The following ACOX2 variants were observed in gnomAD, a reference collection of about 807,000 sequenced individuals.
ACOX2 encodes the protein acyl-CoA oxidase 2.
In ACOX2, 59 loss-of-function variants were observed where a neutral mutation model predicts 77.5. That is an observed-to-expected ratio of 0.76 (90% CI 0.62 to 0.95). The LOEUF (loss-of-function observed/expected upper bound fraction) is 0.95, where lower values mean the gene tolerates loss of function less well. Ranked by LOEUF, ACOX2 falls within the 40% of genes least tolerant of loss-of-function variation. ACOX2 has a pLI of 0.00. For synonymous variants in ACOX2, 317 were observed against 340.1 expected, an observed-to-expected ratio of 0.93 and a Z score of 0.75; for missense variants, 837 against 880.4, an observed-to-expected ratio of 0.95 and a Z score of 0.62.
rs1443062310 is a variant in ACOX2 at position 58,522,351 on chromosome 3, T to C, written c.1632+145A>G. On this transcript the variant is annotated intron_variant, in intron 12 of 14. Transcript: ENST00000302819. The surrounding 1 kb of genome is among the most constrained non-coding windows in gnomAD (Gnocchi z 4.3). ...GTTAAGTCCTTTAATTAAAATACCC[T>C]GGACTAAAGCCTTGGAAGTGAAATG... The C allele has an allele frequency of 2.8e-6, 2 of 710,828 alleles. No homozygotes were observed. Among genetic ancestry groups the C allele is most frequent in the Non-Finnish European group, 4.7e-6 (2 of 423,570 alleles). The allele number at this position is 710,828 out of a possible 1,614,324, so 44.0% of individuals were successfully genotyped here.
Position 58,534,781 on chromosome 3 carries a change from A to G in ACOX2, c.160+166T>C. 7.3e-7 allele frequency: 1 copy of G among 1,375,376 alleles called. No individual in the cohort carries two copies. Among genetic ancestry groups the G allele is most frequent in the Non-Finnish European group, 1.0e-6 (1 of 985,318 alleles). 85.2% of individuals were successfully genotyped at this position (1,375,376 alleles called of 1,614,324 possible). Reference sequence around the variant, plus strand: ...TATCCCCTAGGTGGGCTCAGGCAATATTGACATGTGAAGATTGTCTTTACA... The same window carrying G: ...TATCCCCTAGGTGGGCTCAGGCAATGTTGACATGTGAAGATTGTCTTTACA... On this transcript the variant is annotated intron_variant, in intron 2 of 14. Coordinates refer to ENST00000302819, the MANE Select transcript of ACOX2 (RefSeq NM_003500.4). This position sits in a 1 kb window ranked among gnomAD's most constrained non-coding sequence, Gnocchi z 4.8.
In ACOX2 at chr3:58,517,229, G is replaced by A. The variant is rs1365038680; in HGVS notation, c.1827C>T (p.Tyr609=). ...GAQVDMARTA[Y]LDLLRLIRKD... is the part of the protein sequence containing the mutation. ...ACCGGATCAGGCGGAGCAGGTCCAG[G>A]TAGGCTGTTCTTGCCATGTCCACTT... The change falls in exon 13 of 15, where the codon TAC becomes TAT. Residue 609 remains tyrosine, a synonymous_variant. Coordinates refer to ENST00000302819, the MANE Select transcript of ACOX2 (RefSeq NM_003500.4). The A allele has an allele frequency of 6.2e-7, 1 of 1,613,974 alleles. No individual in the cohort carries two copies. Among genetic ancestry groups the A allele is most frequent in the African/African-American group, 1.3e-5 (1 of 74,920 alleles).
chr3:58,530,367 C>T, intron 8 of ACOX2, 99 bp downstream of exon 8: 1 of 1,513,184 alleles, frequency 6.6e-7, no homozygotes, highest in Non-Finnish European at 9.0e-7. Flanking sequence ...TTGCCTGCTC[C>T]CAGCACTCTG....
At position 58,526,621 on chromosome 3, in the gene ACOX2, C is replaced by T; in HGVS notation, c.1191G>A (p.Met397Ile). The T allele has an allele frequency of 6.2e-7, 1 of 1,614,208 alleles. No individual in the cohort carries two copies. The highest frequency in any genetic ancestry group is 8.5e-7 in the Non-Finnish European group (1 of 1,180,032). The change falls in exon 10 of 15, where the codon ATG becomes ATA. Residue 397 changes from methionine (M) to isoleucine (I), a missense_variant. Transcript: ENST00000302819. This position sits in a 1 kb window ranked among gnomAD's most constrained non-coding sequence, Gnocchi z 4.3. Reference protein sequence around the residue: ...HALSTGMKAMMSEFCTQGAEM... With the variant: ...HALSTGMKAMISEFCTQGAEM... ...CAGCTCCCTGGGTGCAGAATTCTGA[C>T]ATCATGGCCTTCATGCCCGTGCTCA...
In ACOX2 at chr3:58,529,011, C is replaced by T. The variant is rs1576998629; in HGVS notation, c.993-55G>A. The T allele has an allele frequency of 2.7e-6, 4 of 1,499,644 alleles. No individual in the cohort carries two copies. The South Asian group carries it at 4.3e-5, about 16-fold the overall frequency. 92.9% of individuals were successfully genotyped at this position (1,499,644 alleles called of 1,614,324 possible). A position where few individuals can be genotyped will look rare whatever the true frequency, so the allele number is the denominator to read the frequency against. On this transcript the variant is annotated intron_variant, in intron 8 of 14. Coordinates refer to ENST00000302819, the MANE Select transcript of ACOX2 (RefSeq NM_003500.4). Reference sequence around the variant, plus strand: ...TCACTACCTGTTGTGTCCACCTTCCCCTATCCCCGACACCATAAAAACCTT... The same window carrying T: ...TCACTACCTGTTGTGTCCACCTTCCTCTATCCCCGACACCATAAAAACCTT...
In ACOX2 at chr3:58,531,314, A is replaced by G; in HGVS notation, c.756T>C (p.Asn252=). ...GCACATGGTTCAGCTGCAGGAAGCC[A>G]TTGTCTGTTTGATCAAAGTCCATCT... ...GPKMDFDQTD[N]GFLQLNHVRV... is the part of the protein sequence containing the mutation. The change falls in exon 7 of 15, where the codon AAT becomes AAC. Residue 252 remains asparagine, a synonymous_variant. Coordinates refer to ENST00000302819, the MANE Select transcript of ACOX2 (RefSeq NM_003500.4). This position sits in a 1 kb window ranked among gnomAD's most constrained non-coding sequence, Gnocchi z 5.8. 1 of 1,613,846 alleles carries G rather than the reference A, an allele frequency of 6.2e-7. No homozygotes were observed. Among genetic ancestry groups the G allele is most frequent in the Middle Eastern group, 1.7e-4 (1 of 5,840 alleles).
chr3:58,515,318 G>A lies in ACOX2; in HGVS notation c.1850+1888C>T, dbSNP rs1456391632. On this transcript the variant is annotated intron_variant, in intron 13 of 14. Transcript: ENST00000302819. This position sits in a 1 kb window ranked among gnomAD's most constrained non-coding sequence, Gnocchi z 4.0. ...TTGCAGGTATTAGCCACCGCGCCTG[G>A]CCTGAACAAACATTTTTTTGACCAC... Among the ~76,000 whole-genome samples the A allele has an allele frequency of 6.6e-6, 1 of 152,084 alleles. No individual in the cohort carries two copies. The highest frequency in any genetic ancestry group is 2.4e-5 in the African/African-American group (1 of 41,398).
At position 58,534,973 on chromosome 3, in the gene ACOX2, T is replaced by C; in HGVS notation, c.134A>G (p.Gln45Arg). 1.2e-6 allele frequency: 2 copies of C among 1,614,226 alleles called. No homozygotes were observed. The highest frequency in any genetic ancestry group is 1.7e-6 in the Non-Finnish European group (2 of 1,180,016). ...AACTTTCCTGCGGAGTGCAGTGTTC[T>C]GGGCACCTCCATCAAGGATGTTGGT... ...RLTNILDGGA[Q>R]NTALRRKVES... Residue 45 changes from glutamine to arginine, a missense_variant, in exon 2 of 15, where the codon CAG becomes CGG. Coordinates refer to ENST00000302819, the MANE Select transcript of ACOX2 (RefSeq NM_003500.4). The surrounding 1 kb of genome is among the most constrained non-coding windows in gnomAD (Gnocchi z 4.8).
Position 58,524,655 on chromosome 3 carries a change from A to G in ACOX2, c.1347-50T>C, listed in dbSNP as rs376903732. ...TGAGAGGGCAGAGACTCTGTGAGAC[A>G]GCCCAGCACCCCTCACTCCCAGAGA... On this transcript the variant is annotated intron_variant, in intron 10 of 14. Transcript: ENST00000302819. This position sits in a 1 kb window ranked among gnomAD's most constrained non-coding sequence, Gnocchi z 5.5. 9.4e-5 allele frequency: 147 copies of G among 1,563,440 alleles called. No homozygotes were observed. In the African/African-American group the frequency reaches 1.8e-3, roughly 19 times the overall value.
At position 58,531,507 on chromosome 3, in the gene ACOX2, C is replaced by G; in HGVS notation, c.704-141G>C. On this transcript the variant is annotated intron_variant, in intron 6 of 14. Transcript: ENST00000302819. This position sits in a 1 kb window ranked among gnomAD's most constrained non-coding sequence, Gnocchi z 5.8. Reference sequence around the variant, plus strand: ...ATTTTGCAGGTGAACAAGCTGAGGTCAGAAAGATGCTAAATCTTGCTCAAG... The same window carrying G: ...ATTTTGCAGGTGAACAAGCTGAGGTGAGAAAGATGCTAAATCTTGCTCAAG... 1 of 1,230,386 alleles carries G rather than the reference C, an allele frequency of 8.1e-7. No homozygotes were observed. Among genetic ancestry groups the G allele is most frequent in the Non-Finnish European group, 1.1e-6 (1 of 880,804 alleles). 76.2% of individuals were successfully genotyped at this position (1,230,386 alleles called of 1,614,324 possible).
At position 58,531,915 on chromosome 3, in the gene ACOX2, G is replaced by C. The variant is rs2063443353; in HGVS notation, c.584-103C>G. The C allele has an allele frequency of 2.1e-6, 3 of 1,435,474 alleles. No homozygotes were observed. The highest frequency in any genetic ancestry group is 2.7e-6 in the Non-Finnish European group (3 of 1,095,786). 88.9% of individuals were successfully genotyped at this position (1,435,474 alleles called of 1,614,324 possible). ...CTGGGGTTTTGGATGGGTACCTCTG[G>C]GGCCCTGAAAAGTCACTGATCAAAG... On this transcript the variant is annotated intron_variant, in intron 5 of 14. Transcript: ENST00000302819. This position sits in a 1 kb window ranked among gnomAD's most constrained non-coding sequence, Gnocchi z 5.8.
rs991990768 is a variant in ACOX2, at chr3:58,525,922, CAGG to C, written c.1346+541_1346+543del. Among the ~76,000 whole-genome samples the C allele has an allele frequency of 1.3e-5, 2 of 151,900 alleles. No homozygotes were observed. Among genetic ancestry groups the C allele is most frequent in the Non-Finnish European group, 2.9e-5 (2 of 67,994 alleles). ...ATCCCAGCTACTGCGGAGGCTAAGG[CAGG>C]AGAATTGCTTGAACCCGGCGGGCAG... On this transcript the variant is annotated intron_variant, in intron 10 of 14. Coordinates refer to ENST00000302819, the MANE Select transcript of ACOX2 (RefSeq NM_003500.4). The surrounding 1 kb of genome is among the most constrained non-coding windows in gnomAD (Gnocchi z 5.0).
At chr3:58,536,240 A>T (rs2108015031) in intron 1 of ACOX2, among the ~76,000 whole-genome samples, 1 of 152,164 alleles carries the variant, frequency 6.6e-6, no homozygotes, top group South Asian at 2.1e-4. Context: ...AGGGTTAGGG[A>T]CAAGTTCTTA....
In ACOX2 at chr3:58,505,278, A is replaced by C. The variant is rs1576982727; in HGVS notation, c.1992T>G (p.Pro664=). ...QKSPTNTQEN[P]AYEEYIRPLL... ...GTGGTCTTATATATTCCTCATAGGC[A>C]GGGTTCTCCTGTTTGTAGAAAGAAA... is the stretch of plus-strand genomic sequence containing the variant. Residue 664 remains proline, a synonymous_variant, in exon 15 of 15, where the codon CCT becomes CCG. Coordinates refer to ENST00000302819, the MANE Select transcript of ACOX2 (RefSeq NM_003500.4). This position sits in a 1 kb window ranked among gnomAD's most constrained non-coding sequence, Gnocchi z 4.4. The C allele has an allele frequency of 6.2e-7, 1 of 1,612,524 alleles. No homozygotes were observed. Among genetic ancestry groups the C allele is most frequent in the Non-Finnish European group, 8.5e-7 (1 of 1,179,366 alleles).
rs1293890016 is a variant in ACOX2 at position 58,519,373 on chromosome 3, G to A, written c.1633-1950C>T. Among the ~76,000 whole-genome samples the A allele has an allele frequency of 6.6e-6, 1 of 151,664 alleles. No individual in the cohort carries two copies. The highest frequency in any genetic ancestry group is 2.4e-5 in the African/African-American group (1 of 41,280). ...CACTCCAGCCTGGGTGGTGGAGTGAGACTCTATCATAGAAAAAAAAAGAGT... is the reference window on the plus strand; with the variant it reads ...CACTCCAGCCTGGGTGGTGGAGTGAAACTCTATCATAGAAAAAAAAAGAGT... On this transcript the variant is annotated intron_variant, in intron 12 of 14. Transcript: ENST00000302819. The surrounding 1 kb of genome is among the most constrained non-coding windows in gnomAD (Gnocchi z 5.0).
Position 58,535,175 on chromosome 3 carries a change from C to T in ACOX2, c.-69G>A, listed in dbSNP as rs112267299. 30 of 1,590,148 alleles carry T rather than the reference C, an allele frequency of 1.9e-5. No individual in the cohort carries two copies. In the African/African-American group the frequency reaches 2.4e-4, roughly 13 times the overall value. Reference sequence around the variant, plus strand: ...CCCGGCTGCTCCGAGGGTCTGCTCTCAGCATTGGTCAGTGCAAAGAACCTG... The same window carrying T: ...CCCGGCTGCTCCGAGGGTCTGCTCTTAGCATTGGTCAGTGCAAAGAACCTG... On this transcript the variant is annotated 5_prime_UTR_variant, in exon 2 of 15. Coordinates refer to ENST00000302819, the MANE Select transcript of ACOX2 (RefSeq NM_003500.4). The surrounding 1 kb of genome is among the most constrained non-coding windows in gnomAD (Gnocchi z 4.8).
chr3:58,506,379 A>G (rs968307566), intron 14 of ACOX2, among the ~76,000 whole-genome samples: 1 of 152,238 alleles, frequency 6.6e-6, no homozygotes, highest in African/African-American at 2.4e-5. Flanking sequence ...AGCTTCTCCT[A>G]TGATTCTAAG....
intron 14 of ACOX2, among the ~76,000 whole-genome samples, chr3:58,508,105 T>G (rs1576984535): frequency 1.3e-5 from 2 of 152,360 alleles, no homozygotes; most frequent in Middle Eastern, 3.4e-3. Context: ...GTTCCTCATA[T>G]TCTAACTACA....
rs113100011 is a variant in ACOX2 at position 58,528,756 on chromosome 3, C to T, written c.1155+38G>A. 19 of 1,567,714 alleles carry T rather than the reference C, an allele frequency of 1.2e-5. No homozygotes were observed. The highest frequency in any genetic ancestry group is 6.9e-5 in the East Asian group (3 of 43,440). Reference sequence around the variant, plus strand: ...TGAGTGGAACAATCTTAGCTCCCAGCGCCTGCCAGCGCCTGCCCCTCCGCA... The same window carrying T: ...TGAGTGGAACAATCTTAGCTCCCAGTGCCTGCCAGCGCCTGCCCCTCCGCA... On this transcript the variant is annotated intron_variant, in intron 9 of 14. Coordinates refer to ENST00000302819, the MANE Select transcript of ACOX2 (RefSeq NM_003500.4). The surrounding 1 kb of genome is among the most constrained non-coding windows in gnomAD (Gnocchi z 5.6).
Sources: gnomAD v4.1 joint callset for allele counts (sites outside exome capture counted in the v4.1 genomes callset) on GRCh38, gnomAD v4.1.1 for gene constraint, Gnocchi (gnomAD v3.1) non-coding constraint, MANE v1.5 for transcripts, NCBI Gene and HGNC (gene_info 2026-07-23, HGNC 2026-07-21) for gene names.